The following RFC3 variants were observed in gnomAD, a reference collection of about 807,000 sequenced individuals.
The protein encoded by RFC3 is A1 38 kDa subunit.
Under a neutral mutation model 45.1 loss-of-function variants are expected in RFC3, and 41 were observed. The observed-to-expected ratio is 0.91, with a 90% CI of 0.71 to 1.18. The LOEUF (loss-of-function observed/expected upper bound fraction) is 1.18. Among genes scored for constraint, RFC3 ranks in the 50% most tolerant of loss-of-function variants. The probability of loss-of-function intolerance (pLI) is 0.00; values close to 1 mark genes in which losing one functional copy is unlikely to be tolerated. For synonymous variants in RFC3, 149 were observed against 144.0 expected, an observed-to-expected ratio of 1.03 and a Z score of -0.25; for missense variants, 423 against 428.1, an observed-to-expected ratio of 0.99 and a Z score of 0.10.
intron 7 of RFC3, among the ~76,000 whole-genome samples, chr13:33,831,559 G>A (rs1254895932): frequency 3.1e-5 from 3 of 97,334 alleles, no homozygotes; most frequent in Non-Finnish European, 5.2e-5. Context: ...TTATTAAGCT[G>A]TAATATCATG....
chr13:33,895,034 T>G (rs1437184827), intron 8 of RFC3, among the ~76,000 whole-genome samples: 2 of 152,148 alleles, frequency 1.3e-5, no homozygotes, highest in Admixed American at 6.6e-5. Flanking sequence ...ATGTAAGACC[T>G]GAAACCATAA....
intron 4 of RFC3, 85 bp downstream of exon 4, chr13:33,825,971 A>G: frequency 1.4e-6 from 1 of 721,062 alleles, no homozygotes; most frequent in Non-Finnish European, 2.2e-6. Flanking sequence ...TGAACAGGAG[A>G]GAAGCCTGAT....
At chr13:33,832,303 A>C (rs902092370) in intron 7 of RFC3, among the ~76,000 whole-genome samples, 1 of 152,168 alleles carries the variant, frequency 6.6e-6, no homozygotes, top group African/African-American at 2.4e-5. Flanking sequence ...AGGGTTCAGA[A>C]TAAACTGAGT....
downstream of RFC3, among the ~76,000 whole-genome samples, chr13:33,966,926 G>A (rs1831300): frequency 0.94 from 142,685 of 152,190 alleles, 67,539 homozygotes; most frequent in East Asian, 1. Flanking sequence ...GGAGGTCAAG[G>A]CAGGCATATC....
At chr13:33,884,135 C>T (rs905543386) in intron 8 of RFC3, among the ~76,000 whole-genome samples, 22 of 152,176 alleles carry the variant, frequency 1.4e-4, no homozygotes, top group African/African-American at 5.3e-4. Context: ...CCACCTATAA[C>T]GTGGAAACCT....
intron 8 of RFC3, among the ~76,000 whole-genome samples, chr13:33,946,109 C>G (rs999274102): frequency 6.6e-6 from 1 of 152,168 alleles, no homozygotes; most frequent in African/African-American, 2.4e-5. Context: ...TCTAAAATGG[C>G]CAATAGGAGA....
downstream of RFC3, among the ~76,000 whole-genome samples, chr13:33,842,062 G>T (rs2082203189): frequency 6.6e-6 from 1 of 152,074 alleles, no homozygotes; most frequent in Non-Finnish European, 1.5e-5. Flanking sequence ...CGGGAAAGTT[G>T]CTTAGCCCAG....
chr13:33,861,232 T>C (rs1384034442), intron 8 of RFC3, among the ~76,000 whole-genome samples: 1 of 152,214 alleles, frequency 6.6e-6, no homozygotes, highest in Non-Finnish European at 1.5e-5. Flanking sequence ...TCTTAGAGCA[T>C]TGATGATAAA....
At position 33,920,004 on chromosome 13, in the gene RFC3, G is replaced by T. The variant is rs548109071; in HGVS notation, c.880-46083G>T. ...CTCATATGGTGGCAGGCATATAAAAGATGCCCTAGAAATTTTACTCTTGTT... is the reference window on the plus strand; with the variant it reads ...CTCATATGGTGGCAGGCATATAAAATATGCCCTAGAAATTTTACTCTTGTT... On this transcript the variant is annotated intron_variant, in intron 8 of 8. Coordinates refer to the RFC3 transcript ENST00000434425. Among the ~76,000 whole-genome samples, 11 of 152,228 alleles carry T rather than the reference G, an allele frequency of 7.2e-5. No homozygotes were observed. In the South Asian group the frequency reaches 2.3e-3, roughly 32 times the overall value.
chr13:33,921,919 G>C (rs987688987), intron 8 of RFC3, among the ~76,000 whole-genome samples: 1 of 152,108 alleles, frequency 6.6e-6, no homozygotes, highest in Admixed American at 6.5e-5. Context: ...ATGGTGTTTG[G>C]AGTCCAGTCA....
chr13:33,879,545 A>C (rs1399071130), intron 8 of RFC3, among the ~76,000 whole-genome samples: 1 of 152,198 alleles, frequency 6.6e-6, no homozygotes, highest in Non-Finnish European at 1.5e-5. Context: ...ACAAAAACTA[A>C]AACAAAAAAC....
Position 33,837,190 on chromosome 13 carries a change from C to A in RFC3, c.*895C>A. 2.7e-6 allele frequency: 1 copy of A among 373,050 alleles called. No individual in the cohort carries two copies. The highest frequency in any genetic ancestry group is 3.7e-6 in the Non-Finnish European group (1 of 270,430). The allele number at this position is 373,050 out of a possible 1,614,324, so 23.1% of individuals were successfully genotyped here. ...CCAATCAAGGTATAGATGCCGTCAC[C>A]CCAAAAAGTTCCCTCCATATCCCTT... is the stretch of plus-strand genomic sequence containing the variant. On this transcript the variant is annotated 3_prime_UTR_variant, in exon 9 of 9. Coordinates refer to ENST00000380071, the MANE Select transcript of RFC3 (RefSeq NM_002915.4).
At chr13:33,901,039 A>C (rs932356098) in intron 8 of RFC3, among the ~76,000 whole-genome samples, 1 of 151,960 alleles carries the variant, frequency 6.6e-6, no homozygotes, top group Non-Finnish European at 1.5e-5. Flanking sequence ...AAAAGACAAT[A>C]ATGGATGCTG....
chr13:33,823,902 T>C lies in RFC3; in HGVS notation c.226-15T>C, dbSNP rs533576992. 2.1e-5 allele frequency: 29 copies of C among 1,406,446 alleles called. No homozygotes were observed. In the African/African-American group the frequency reaches 2.9e-4, roughly 14 times the overall value. 87.1% of individuals were successfully genotyped at this position (1,406,446 alleles called of 1,614,324 possible). A position where few individuals can be genotyped will look rare whatever the true frequency, so the allele number is the denominator to read the frequency against. ...AATAAATAAATGTTAAAAATATCTT[T>C]TTCTTTGTCCACAGACTCCATCTAA... On this transcript the variant is annotated splice_polypyrimidine_tract_variant and intron_variant, in intron 2 of 8. Transcript: ENST00000380071.
At chr13:33,871,397 G>A (rs1426177899) in intron 8 of RFC3, among the ~76,000 whole-genome samples, 1 of 152,130 alleles carries the variant, frequency 6.6e-6, no homozygotes, top group East Asian at 1.9e-4. Context: ...TTTTGCAATC[G>A]TTGGTTAATG....
chr13:33,972,928 G>A, the RFC3 span, among the ~76,000 whole-genome samples: 2 of 152,176 alleles, frequency 1.3e-5, no homozygotes, highest in South Asian at 4.1e-4. Flanking sequence ...CTACCTTGCA[G>A]AAGGGCATAA....
At chr13:33,946,559 T>A (rs527250342) in intron 8 of RFC3, among the ~76,000 whole-genome samples, 3 of 152,246 alleles carry the variant, frequency 2.0e-5, no homozygotes, top group Non-Finnish European at 4.4e-5. Context: ...TAAAATACTT[T>A]TAAGCATATA....
intron 8 of RFC3, among the ~76,000 whole-genome samples, chr13:33,861,988 GCTT>G (rs945486464): frequency 2.6e-5 from 4 of 152,134 alleles, no homozygotes; most frequent in African/African-American, 9.7e-5. Flanking sequence ...GTGAAAATAT[GCTT>G]CTTGCAATTT....
intron 4 of RFC3, chr13:33,829,436 A>G (rs2082080785): frequency 5.2e-6 from 1 of 193,310 alleles, no homozygotes; most frequent in African/African-American, 2.4e-5. Flanking sequence ...CATATAAATA[A>G]TAAAGGTTGC....
Sources: gnomAD v4.1 joint callset for allele counts (sites outside exome capture counted in the v4.1 genomes callset) on GRCh38, gnomAD v4.1.1 for gene constraint, MANE v1.5 for transcripts, NCBI Gene and HGNC (gene_info 2026-07-23, HGNC 2026-07-21) for gene names.